The following LAMA5 variants were observed in gnomAD, a reference collection of about 807,000 sequenced individuals.
LAMA5 encodes laminin subunit alpha 5.
LAMA5 carries 260 observed loss-of-function variants against 433.4 expected under a neutral mutation model. The ratio of observed to expected loss-of-function variants is 0.60; its 90% CI spans 0.54 to 0.66. The LOEUF is 0.66. LAMA5 is among the 30% of genes least tolerant of loss of function. The pLI, the probability that LAMA5 is intolerant of heterozygous loss-of-function variation, is 0.00. For missense variants in LAMA5, 5,378 were observed against 5,258.5 expected (o/e 1.02, Z -0.70); for synonymous variants, 2,620 against 2,226.6 (o/e 1.18, Z -4.97).
chr20:62,322,301 C>A lies in LAMA5; in HGVS notation c.6314G>T (p.Gly2105Val), dbSNP rs377050074. 1.0e-5 allele frequency: 16 copies of A among 1,600,714 alleles called. No individual in the cohort carries two copies. Among genetic ancestry groups the A allele is most frequent in the Middle Eastern group, 1.7e-4 (1 of 6,058 alleles). ...GCCCTGCTCAGGGAGCCCCCAGTAG[C>A]CAGGGGCACACTCGCGGCACTGGGG... The part of the protein sequence containing the change: ...MGPQCRECAP[G>V]YWGLPEQGCR... Residue 2105 changes from glycine to valine, a missense_variant, in exon 47 of 80, where the codon GGC becomes GTC. Gly to Val is a moderately radical substitution (Grantham distance 109, BLOSUM62 -3). Transcript: ENST00000252999.
In LAMA5 at chr20:62,334,167, G is replaced by A. The variant is rs369400818; in HGVS notation, c.2739+19C>T. ...CTCCACTTCTAGGCTGAGCCTGGGA[G>A]GGGGAGCACAGCGCCCACCTGGACA... On this transcript the variant is annotated intron_variant, in intron 22 of 79. Coordinates refer to ENST00000252999, the MANE Select transcript of LAMA5 (RefSeq NM_005560.6). The A allele has an allele frequency of 8.8e-5, 141 of 1,606,906 alleles. No homozygotes were observed. The highest frequency in any genetic ancestry group is 1.0e-4 in the Non-Finnish European group (121 of 1,175,506).
intron 3 of LAMA5, 56 bp from the exon 4 acceptor site, chr20:62,352,416 C>G (rs1367240021): frequency 1.4e-6 from 2 of 1,405,226 alleles, no homozygotes; most frequent in Admixed American, 1.8e-5. Context: ...CCTGGGTCCC[C>G]GCGGTGCCCG....
chr20:62,347,131 T>G, intron 6 of LAMA5, 103 bp from the exon 7 acceptor site: 1 of 847,046 alleles, frequency 1.2e-6, no homozygotes, highest in South Asian at 1.6e-5. Flanking sequence ...ATGGCTTGGC[T>G]TGCCACATGG....
chr20:62,309,316 G>A lies in LAMA5; in HGVS notation c.*20C>T. On this transcript the variant is annotated 3_prime_UTR_variant, in exon 80 of 80. Coordinates refer to ENST00000252999, the MANE Select transcript of LAMA5 (RefSeq NM_005560.6). ...GAGGCAGCTGCAGGGGCCTGACCAGGGGCCGGGGTTGGCTGTGTCCTAGGC... is the reference window on the plus strand; with the variant it reads ...GAGGCAGCTGCAGGGGCCTGACCAGAGGCCGGGGTTGGCTGTGTCCTAGGC... 6.3e-7 allele frequency: 1 copy of A among 1,589,714 alleles called. No homozygotes were observed. The highest frequency in any genetic ancestry group is 1.1e-5 in the South Asian group (1 of 89,306).
chr20:62,313,381 T>C lies in LAMA5; in HGVS notation c.8738A>G (p.Tyr2913Cys). Residue 2913 changes from tyrosine to cysteine, a missense_variant, in exon 64 of 80, where the codon TAC becomes TGC. Tyr to Cys is a radical substitution (Grantham distance 194). Transcript: ENST00000252999. ...DTLNEEVVSL[Y>C]NFERTFQLDT... ...CAGCTGGAAGGTCCTCTCGAAGTTG[T>C]AGAGGCTGACCACCTCCTCATTCAG... 6.2e-7 allele frequency: 1 copy of C among 1,600,384 alleles called. No individual in the cohort carries two copies. The highest frequency in any genetic ancestry group is 8.5e-7 in the Non-Finnish European group (1 of 1,174,400).
intron 1 of LAMA5, among the ~76,000 whole-genome samples, chr20:62,363,569 C>T (rs1170893958): frequency 6.6e-6 from 1 of 152,040 alleles, no homozygotes; most frequent in Non-Finnish European, 1.5e-5. Context: ...GGGGGCAGAG[C>T]TGGGTCCTGG....
intron 56 of LAMA5, 43 bp downstream of exon 56, chr20:62,316,839 G>A (rs778708420): frequency 2.6e-6 from 4 of 1,542,598 alleles, no homozygotes; most frequent in South Asian, 2.4e-5. Flanking sequence ...TGCAGGCAGT[G>A]GGGGCGCTCC....
chr20:62,335,073 G>C lies in LAMA5; in HGVS notation c.2430C>G (p.Ser810=), dbSNP rs1344997350. 6.2e-7 allele frequency: 1 copy of C among 1,612,920 alleles called. No homozygotes were observed. Among genetic ancestry groups the C allele is most frequent in the South Asian group, 1.1e-5 (1 of 91,092 alleles). Residue 810 remains serine, a synonymous_variant, in exon 20 of 80, where the codon TCC becomes TCG. Coordinates refer to ENST00000252999, the MANE Select transcript of LAMA5 (RefSeq NM_005560.6). ...CCAGTCCAAAGAAGCCATCCTTGCA[G>C]GACGCGCAGGCCTGGCCGCACACGT... is the stretch of plus-strand genomic sequence containing the variant. The part of the protein sequence containing the change: ...KPHVCGQACA[S]CKDGFFGLDQ...
Position 62,336,753 on chromosome 20 carries a change from A to C in LAMA5, c.2198T>G (p.Val733Gly), listed in dbSNP as rs1981700841. Residue 733 changes from valine (V) to glycine (G), a missense_variant, in exon 17 of 80, where the codon GTG becomes GGG. Coordinates refer to ENST00000252999, the MANE Select transcript of LAMA5 (RefSeq NM_005560.6). ...GCTCACCTCAGGAAGGGCAGGATCC[A>C]CTGGGGCCAGACCGGCAGGGTGGCA... ...GSCHPAGLAP[V>G]DPALPEAQVP... The C allele has an allele frequency of 6.2e-7, 1 of 1,612,926 alleles. No homozygotes were observed. The highest frequency in any genetic ancestry group is 1.3e-5 in the African/African-American group (1 of 74,892).
intron 38 of LAMA5, 87 bp from the exon 39 acceptor site, chr20:62,327,053 C>T: frequency 8.5e-7 from 1 of 1,173,020 alleles, no homozygotes; most frequent in Non-Finnish European, 1.2e-6. Flanking sequence ...ACCCCCAGCA[C>T]AGAGCCCTGT....
At chr20:62,345,902 G>A (rs776257406) in intron 10 of LAMA5, 25 bp from the exon 11 acceptor site, 19 of 1,557,254 alleles carry the variant, frequency 1.2e-5, no homozygotes, top group Admixed American at 3.9e-5. Flanking sequence ...CACGCATGTT[G>A]GCCAGGTCTG....
In LAMA5 at chr20:62,310,459, C is replaced by T. The variant is rs752196715; in HGVS notation, c.10560G>A (p.Ala3520=). 1.1e-5 allele frequency: 17 copies of T among 1,600,796 alleles called. No individual in the cohort carries two copies. Among genetic ancestry groups the T allele is most frequent in the East Asian group, 6.7e-5 (3 of 44,874 alleles). Residue 3520 remains alanine, a synonymous_variant, in exon 76 of 80, where the codon GCG becomes GCA. Transcript: ENST00000252999. ...VTPCILGPLE[A]GLFFPGSGGV... Reference sequence around the variant, plus strand: ...CCCCGCTGCCTGGGAAGAACAGGCCCGCCTCCAGGGGGCCCAAGATGCAGG... The same window carrying T: ...CCCCGCTGCCTGGGAAGAACAGGCCTGCCTCCAGGGGGCCCAAGATGCAGG...
intron 11 of LAMA5, among the ~76,000 whole-genome samples, chr20:62,344,789 A>AT (rs1415165448): frequency 6.6e-6 from 1 of 151,162 alleles, no homozygotes; most frequent in East Asian, 2.0e-4. Flanking sequence ...TCACAGCATA[A>AT]TTAAAAAAAA....
rs147692310 is a variant in LAMA5 at position 62,316,898 on chromosome 20, G to A, written c.7637C>T (p.Ala2546Val). The A allele has an allele frequency of 6.5e-5, 100 of 1,534,628 alleles. No individual in the cohort carries two copies. The highest frequency in any genetic ancestry group is 4.0e-4 in the East Asian group (17 of 42,702). ...EDAAGQALQQ[A>V]DHTWATVVRQ... ...GGGCCTCACCGCCCACGTGTGGTCC[G>A]CCTGCTGCAGGGCCTGGCCAGCAGC... is the stretch of plus-strand genomic sequence containing the variant. The change falls in exon 56 of 80, where the codon GCG becomes GTG. Residue 2546 changes from alanine to valine, a missense_variant. Coordinates refer to ENST00000252999, the MANE Select transcript of LAMA5 (RefSeq NM_005560.6).
intron 9 of LAMA5, 99 bp from the exon 10 acceptor site, chr20:62,346,314 G>A (rs1179055499): frequency 6.7e-7 from 1 of 1,481,658 alleles, no homozygotes; most frequent in South Asian, 1.3e-5. Flanking sequence ...AGGGCCATGG[G>A]GATGAGGGCT....
chr20:62,357,545 G>C (rs1159432405), intron 2 of LAMA5, among the ~76,000 whole-genome samples: 2 of 152,212 alleles, frequency 1.3e-5, no homozygotes, highest in Non-Finnish European at 2.9e-5. Context: ...CCAGCTGGGT[G>C]AATAAGCACG....
rs753809182 is a variant in LAMA5, at chr20:62,334,552, C to A, written c.2552G>T (p.Arg851Leu). The A allele has an allele frequency of 9.7e-6, 15 of 1,548,496 alleles. No individual in the cohort carries two copies. The highest frequency in any genetic ancestry group is 3.5e-4 in the Middle Eastern group (2 of 5,788). ...GCAGGTGGGGCCCTGGGTGTTGGGG[C>A]GGCACCGGCAGACGCCCGTCCTCGG... ...CEPRTGVCRC[R>L]PNTQGPTCSE... The change falls in exon 21 of 80, where the codon CGC becomes CTC. Residue 851 changes from arginine (R) to leucine (L), a missense_variant. Arg to Leu is a moderately radical substitution (Grantham distance 102, BLOSUM62 -2). Coordinates refer to ENST00000252999, the MANE Select transcript of LAMA5 (RefSeq NM_005560.6).
chr20:62,355,659 G>A (rs1386434856), intron 2 of LAMA5, among the ~76,000 whole-genome samples: 1 of 152,108 alleles, frequency 6.6e-6, no homozygotes, highest in Non-Finnish European at 1.5e-5. Flanking sequence ...TGTGGGTGGG[G>A]GGCAGGGAGA....
rs781438799 is a variant in LAMA5 at position 62,312,524 on chromosome 20, C to T, written c.9236G>A (p.Arg3079Gln). The T allele has an allele frequency of 6.9e-6, 11 of 1,599,120 alleles. 1 individual carries two copies. Among genetic ancestry groups the T allele is most frequent in the South Asian group, 4.4e-5 (4 of 91,022 alleles). ...GACTGAGCCTCCGGTGGGGAAGAGC[C>T]GTCGCAGGCTGTGGGGAAGCGGGGA... The part of the protein sequence containing the change: ...PPDQLPPSLR[R>Q]LFPTGGSVRG... Residue 3079 changes from arginine to glutamine, a missense_variant, in exon 68 of 80, where the codon CGG becomes CAG. By Grantham distance (43) the Arg-to-Gln change is conservative. Coordinates refer to ENST00000252999, the MANE Select transcript of LAMA5 (RefSeq NM_005560.6).
Sources: gnomAD v4.1 joint callset for allele counts (sites outside exome capture counted in the v4.1 genomes callset) on GRCh38, gnomAD v4.1.1 for gene constraint, MANE v1.5 for transcripts, NCBI Gene and HGNC (gene_info 2026-07-23, HGNC 2026-07-21) for gene names.